The following CASK variants were observed in gnomAD, a reference collection of about 807,000 sequenced individuals.
CASK encodes calcium/calmodulin dependent serine protein kinase, also known as peripheral plasma membrane protein CASK.
In CASK, 4 loss-of-function variants were observed where a neutral mutation model predicts 82.9. That is an observed-to-expected ratio of 0.05 (90% CI 0.02 to 0.11). The LOEUF (loss-of-function observed/expected upper bound fraction) is 0.11, where lower values mean the gene tolerates loss of function less well. Among genes scored for constraint, CASK ranks in the 10% least tolerant of loss-of-function variants. The probability of loss-of-function intolerance (pLI) is 1.00; values close to 1 mark genes in which losing one functional copy is unlikely to be tolerated. For missense variants in CASK, 358 were observed against 720.9 expected (o/e 0.50, Z 5.76); for synonymous variants, 259 against 253.5 (o/e 1.02, Z -0.20).
chrX:41,845,685 G>T (rs1432950558), intron 2 of CASK, among the ~76,000 whole-genome samples: 1 of 111,531 alleles, frequency 9.0e-6, no homozygotes, highest in Non-Finnish European at 1.9e-5. Flanking sequence ...TCTCTGCCTT[G>T]TAATTGGAGT....
intron 11 of CASK, among the ~76,000 whole-genome samples, chrX:41,614,766 G>A (rs760124699): frequency 1.8e-5 from 2 of 111,784 alleles, no homozygotes; most frequent in African/African-American, 6.5e-5. Flanking sequence ...TGATCTGCCC[G>A]CCTTGGCCTC....
rs1215879626 is a variant in CASK, at chrX:41,635,879, A to AGTTCCAAT, written c.915+691_915+698dup. The stretch of plus-strand genomic sequence containing the variant: ...TGCTTTCTGATAGTTGTTCAATCCT[A>AGTTCCAAT]GTTCCAATTCTTTTTTTTTTTTTTT... On this transcript the variant is annotated intron_variant, in intron 9 of 26. Coordinates refer to ENST00000378163, the MANE Select transcript of CASK (RefSeq NM_001367721.1). 3.1e-5 allele frequency: 3 copies of AGTTCCAAT among 95,511 alleles called. No individual in the cohort carries two copies. In the East Asian group the frequency reaches 9.6e-4, roughly 31 times the overall value. 7.9% of individuals were successfully genotyped at this position (95,511 alleles called of 1,213,427 possible).
intron 24 of CASK, among the ~76,000 whole-genome samples, chrX:41,532,211 C>T (rs1201454737): frequency 8.9e-6 from 1 of 112,359 alleles, no homozygotes; most frequent in Admixed American, 9.4e-5. Context: ...GCTGGGATTA[C>T]AGGTGTGAGC....
intron 1 of CASK, among the ~76,000 whole-genome samples, chrX:41,889,740 C>A (rs1228448097): frequency 8.9e-6 from 1 of 111,953 alleles, no homozygotes; most frequent in African/African-American, 3.2e-5. Flanking sequence ...TCATATTTTT[C>A]ATACAGTACT....
At chrX:41,812,843 C>T (rs2070324929) in intron 2 of CASK, among the ~76,000 whole-genome samples, 1 of 111,823 alleles carries the variant, frequency 8.9e-6, no homozygotes, top group South Asian at 3.8e-4. Flanking sequence ...TAGAAAACCC[C>T]ACTGTCTCAG....
chrX:41,610,613 T>A (rs958597929), intron 11 of CASK, among the ~76,000 whole-genome samples: 4 of 112,051 alleles, frequency 3.6e-5, no homozygotes, highest in African/African-American at 1.3e-4. Context: ...CATTCTGTTT[T>A]ACTCTTACCC....
At chrX:41,664,582 G>C (rs898657119) in intron 7 of CASK, among the ~76,000 whole-genome samples, 2 of 112,028 alleles carry the variant, frequency 1.8e-5, no homozygotes, top group Non-Finnish European at 3.8e-5. Flanking sequence ...GTCACTGTCA[G>C]TCGTACCTTG....
At chrX:41,735,871 T>G (rs1015154619) in intron 5 of CASK, among the ~76,000 whole-genome samples, 1 of 111,515 alleles carries the variant, frequency 9.0e-6, no homozygotes, top group African/African-American at 3.3e-5. Context: ...AAGCAAGCCC[T>G]TCTCTGGACA....
intron 10 of CASK, among the ~76,000 whole-genome samples, chrX:41,623,394 A>G (rs1428097362): frequency 2.7e-5 from 3 of 111,952 alleles, no homozygotes; most frequent in African/African-American, 9.7e-5. Context: ...ATATTTTCCT[A>G]AATGCATAGA....
intron 3 of CASK, among the ~76,000 whole-genome samples, chrX:41,747,291 G>A (rs2068702059): frequency 9.1e-6 from 1 of 110,293 alleles, no homozygotes; most frequent in Non-Finnish European, 1.9e-5. Flanking sequence ...TATTATAATG[G>A]TCTAGTCTAC....
At chrX:41,569,848 A>T in intron 15 of CASK, 102 bp from the exon 16 acceptor site, 1 of 511,450 alleles carries the variant, frequency 2.0e-6, no homozygotes, top group South Asian at 3.2e-5. Context: ...ATTACCAGTT[A>T]AAAAAAATTA....
chrX:41,701,368 A>G (rs971681540), intron 5 of CASK, among the ~76,000 whole-genome samples: 1 of 112,495 alleles, frequency 8.9e-6, no homozygotes. Context: ...AACTGAAGCA[A>G]AAGTACAAAG....
intron 11 of CASK, among the ~76,000 whole-genome samples, chrX:41,611,839 C>G (rs1316138686): frequency 9.0e-6 from 1 of 110,858 alleles, no homozygotes; most frequent in East Asian, 2.9e-4. Context: ...CCTGCGATTG[C>G]AGGCGCGCGC....
chrX:41,826,768 C>T (rs1280151476), intron 2 of CASK, among the ~76,000 whole-genome samples: 2 of 112,081 alleles, frequency 1.8e-5, no homozygotes, highest in African/African-American at 6.5e-5. Context: ...TGAGCCACCA[C>T]GCCCAGCCAA....
chrX:41,589,628 C>T, intron 12 of CASK, 36 bp from the exon 13 acceptor site: 1 of 934,036 alleles, frequency 1.1e-6, no homozygotes, highest in South Asian at 2.0e-5. Context: ...TAAACACTCA[C>T]AATTCTTTGC....
chrX:41,815,071 A>C (rs181644239), intron 2 of CASK, among the ~76,000 whole-genome samples: 24 of 111,109 alleles, frequency 2.2e-4, no homozygotes, highest in Admixed American at 1.9e-3. Context: ...AGGATGAGGG[A>C]GATGGAATGT....
At chrX:41,614,522 ATTTT>A (rs200039747) in intron 11 of CASK, among the ~76,000 whole-genome samples, 1 of 98,369 alleles carries the variant, frequency 1.0e-5, no homozygotes. Flanking sequence ...ACTATGGATA[ATTTT>A]TTTTTTTTTT....
At chrX:41,556,728 C>T (rs113642245) in intron 19 of CASK, among the ~76,000 whole-genome samples, 6,413 of 112,117 alleles carry the variant, frequency 0.057, 187 homozygotes, top group Non-Finnish European at 0.089. Flanking sequence ...AACAAATTTC[C>T]GTTTACATCC....
chrX:41,531,354 T>C (rs759433935), intron 24 of CASK, 145 bp from the exon 25 acceptor site: 1 of 527,238 alleles, frequency 1.9e-6, no homozygotes, highest in East Asian at 3.5e-5. Context: ...TCACCCCCAG[T>C]GGCTTTGCAG....
Sources: gnomAD v4.1 joint callset for allele counts (sites outside exome capture counted in the v4.1 genomes callset) on GRCh38, gnomAD v4.1.1 for gene constraint, MANE v1.5 for transcripts, NCBI Gene and HGNC (gene_info 2026-07-23, HGNC 2026-07-21) for gene names.